Variants in CSMD1 observed in about 807,000 individuals in gnomAD.
CSMD1 encodes the protein CUB and Sushi multiple domains 1.
In CSMD1, 213 loss-of-function variants were observed where a neutral mutation model predicts 417.5. The ratio of observed to expected loss-of-function variants is 0.51; its 90% CI spans 0.46 to 0.57. CSMD1 has a LOEUF of 0.57. Ranked by LOEUF, CSMD1 falls within the 20% of genes least tolerant of loss-of-function variation. The pLI, the probability that CSMD1 is intolerant of heterozygous loss-of-function variation, is 0.00. For synonymous variants in CSMD1, 2,862 were observed against 1,736.8 expected, an observed-to-expected ratio of 1.65 and a Z score of -16.11; for missense variants, 6,923 against 4,529.7, an observed-to-expected ratio of 1.53 and a Z score of -15.17.
intron 3 of CSMD1, among the ~76,000 whole-genome samples, chr8:4,133,568 G>T (rs182873256): frequency 6.6e-6 from 1 of 152,022 alleles, no homozygotes; most frequent in African/African-American, 2.4e-5. Flanking sequence ...TAGGAAAGCC[G>T]TGCATTAACG....
At chr8:3,569,251 T>C (rs564386618) in intron 10 of CSMD1, among the ~76,000 whole-genome samples, 1 of 152,300 alleles carries the variant, frequency 6.6e-6, no homozygotes, top group East Asian at 1.9e-4. Flanking sequence ...TATTTCGTGT[T>C]CCTTTTGACA....
intron 7 of CSMD1, among the ~76,000 whole-genome samples, chr8:3,667,707 G>A (rs974749769): frequency 6.6e-6 from 1 of 152,204 alleles, no homozygotes; most frequent in Non-Finnish European, 1.5e-5. Context: ...TGAGCTGTTA[G>A]AGGATTAGTA....
At chr8:3,074,037 G>T (rs938804640) in intron 49 of CSMD1, among the ~76,000 whole-genome samples, 2 of 152,238 alleles carry the variant, frequency 1.3e-5, no homozygotes, top group African/African-American at 4.8e-5. Flanking sequence ...GAGGGTGGCA[G>T]CGGGCTGCTT....
In CSMD1 at chr8:2,997,972, T is replaced by C. The variant is rs752499642; in HGVS notation, c.8377+39A>G. 3.3e-5 allele frequency: 53 copies of C among 1,593,604 alleles called. No individual in the cohort carries two copies. The East Asian group carries it at 1.2e-3, about 35-fold the overall frequency. On this transcript the variant is annotated intron_variant, in intron 54 of 69. Transcript: ENST00000635120. ...GGTGTTACTGGGCAGCCTAGAACAC[T>C]CTCAGAGCAAAGGGCTCATTCCTGG...
At chr8:3,721,435 C>G (rs1335705092) in intron 6 of CSMD1, among the ~76,000 whole-genome samples, 1 of 152,122 alleles carries the variant, frequency 6.6e-6, no homozygotes, top group African/African-American at 2.4e-5. Context: ...AAACATCAAA[C>G]AGTTAGCTGG....
At chr8:2,968,260 A>G (rs1341441940) in intron 57 of CSMD1, among the ~76,000 whole-genome samples, 5 of 152,240 alleles carry the variant, frequency 3.3e-5, no homozygotes, top group African/African-American at 1.2e-4. Flanking sequence ...GGGCTAATGG[A>G]AAGCCTGTCA....
At chr8:3,601,754 T>C (rs542581751) in intron 8 of CSMD1, among the ~76,000 whole-genome samples, 6 of 152,164 alleles carry the variant, frequency 3.9e-5, no homozygotes, top group Admixed American at 1.3e-4. Context: ...AGTGCATTGA[T>C]TTGGGGACCA....
intron 2 of CSMD1, among the ~76,000 whole-genome samples, chr8:4,542,139 C>G (rs1190947425): frequency 6.6e-6 from 1 of 151,838 alleles, no homozygotes; most frequent in Non-Finnish European, 1.5e-5. Context: ...GGCAAGTAAA[C>G]ACTATACTGA....
intron 2 of CSMD1, among the ~76,000 whole-genome samples, chr8:4,480,285 G>A (rs1392999261): frequency 1.3e-5 from 2 of 152,024 alleles, no homozygotes; most frequent in East Asian, 1.9e-4. Context: ...TGACCCCCAG[G>A]ATGAATTTGC....
rs200238707 is a variant in CSMD1 at position 4,246,017 on chromosome 8, G to C, written c.415+173936C>G. On this transcript the variant is annotated intron_variant, in intron 3 of 69. Transcript: ENST00000635120. ...AACATGCAACCTAGGTCAGTTATTTGTTGTTGTTGTTTGATTTTTAACTTT... is the reference window on the plus strand; with the variant it reads ...AACATGCAACCTAGGTCAGTTATTTCTTGTTGTTGTTTGATTTTTAACTTT... Among the ~76,000 whole-genome samples the C allele has an allele frequency of 8.5e-5, 13 of 152,100 alleles. No homozygotes were observed. The East Asian group carries it at 1.7e-3, about 20-fold the overall frequency.
chr8:4,333,985 G>C (rs1269503761), intron 3 of CSMD1, among the ~76,000 whole-genome samples: 1 of 151,996 alleles, frequency 6.6e-6, no homozygotes, highest in African/African-American at 2.4e-5. Context: ...TTAATGTTCT[G>C]CCTCAAGCCA....
intron 7 of CSMD1, among the ~76,000 whole-genome samples, chr8:3,642,152 G>A (rs2117321625): frequency 6.6e-6 from 1 of 151,672 alleles, no homozygotes; most frequent in South Asian, 2.1e-4. Flanking sequence ...ACAAAGATAT[G>A]ATACACAAAT....
intron 12 of CSMD1, among the ~76,000 whole-genome samples, chr8:3,463,856 T>C (rs1386408407): frequency 6.6e-6 from 1 of 152,166 alleles, no homozygotes; most frequent in Admixed American, 6.5e-5. Context: ...CATTCCTGTA[T>C]TCAGTACAAC....
intron 1 of CSMD1, among the ~76,000 whole-genome samples, chr8:4,759,525 G>C (rs1051482250): frequency 2.0e-5 from 3 of 152,116 alleles, no homozygotes; most frequent in Non-Finnish European, 2.9e-5. Context: ...ATTAAGCCCA[G>C]CATGCACTAG....
At chr8:4,954,300 C>A (rs1808942854) in intron 1 of CSMD1, among the ~76,000 whole-genome samples, 1 of 152,092 alleles carries the variant, frequency 6.6e-6, no homozygotes, top group South Asian at 2.1e-4. Context: ...GTGCAAATAA[C>A]AGGTTTTAAA....
chr8:4,871,790 G>T lies in CSMD1; in HGVS notation c.85+122542C>A, dbSNP rs993221211. 2.6e-5 allele frequency among the ~76,000 whole-genome samples: 4 copies of T among 152,144 alleles called. No homozygotes were observed. The South Asian group carries it at 6.2e-4, about 24-fold the overall frequency. Reference sequence around the variant, plus strand: ...TCTTTTGAAACTGTACATTTAGATTGTACACTTTTGAAAAACCTTTCCAGT... The same window carrying T: ...TCTTTTGAAACTGTACATTTAGATTTTACACTTTTGAAAAACCTTTCCAGT... On this transcript the variant is annotated intron_variant, in intron 1 of 69. Transcript: ENST00000635120.
chr8:3,123,205 C>A (rs1331323272), intron 41 of CSMD1, among the ~76,000 whole-genome samples: 3 of 152,164 alleles, frequency 2.0e-5, no homozygotes, highest in Non-Finnish European at 4.4e-5. Context: ...ACACACACCC[C>A]TCATCTGCAT....
chr8:3,003,328 C>A (rs1807580794), intron 52 of CSMD1, among the ~76,000 whole-genome samples: 1 of 152,078 alleles, frequency 6.6e-6, no homozygotes, highest in African/African-American at 2.4e-5. Context: ...ATGTGAGTTA[C>A]CTTTTCTTTT....
At chr8:4,231,268 A>T (rs999285174) in intron 3 of CSMD1, among the ~76,000 whole-genome samples, 1 of 152,174 alleles carries the variant, frequency 6.6e-6, no homozygotes, top group Admixed American at 6.5e-5. Context: ...GCCATCTGTT[A>T]CCAGAGGCAG....
Sources: gnomAD v4.1 joint callset for allele counts (sites outside exome capture counted in the v4.1 genomes callset) on GRCh38, gnomAD v4.1.1 for gene constraint, MANE v1.5 for transcripts, NCBI Gene and HGNC (gene_info 2026-07-23, HGNC 2026-07-21) for gene names.